EIF3H: variants seen among roughly 807,000 people sequenced by gnomAD.
EIF3H encodes eukaryotic translation initiation factor 3 subunit H.
EIF3H carries 26 observed loss-of-function variants against 44.2 expected under a neutral mutation model. That is an observed-to-expected ratio of 0.59 (90% confidence interval 0.43 to 0.82). EIF3H has a LOEUF of 0.82. Ranked by LOEUF, EIF3H falls within the 40% of genes least tolerant of loss-of-function variation. The pLI is 0.00. For missense variants in EIF3H, 359 were observed against 432.8 expected (o/e 0.83, Z 1.51); for synonymous variants, 166 against 151.9 (o/e 1.09, Z -0.68).
chr8:116,680,973 TAAA>T (rs11369605), intron 2 of EIF3H, among the ~76,000 whole-genome samples: 3 of 146,552 alleles, frequency 2.0e-5, no homozygotes, highest in African/African-American at 7.4e-5. Context: ...ATTTATAAAT[TAAA>T]AAAAAAAAAG....
chr8:116,676,566 T>C (rs550259123), intron 2 of EIF3H, among the ~76,000 whole-genome samples: 2 of 152,246 alleles, frequency 1.3e-5, no homozygotes, highest in South Asian at 4.1e-4. Flanking sequence ...ACCTGGTCTC[T>C]CCCTTGACAA....
intron 2 of EIF3H, among the ~76,000 whole-genome samples, chr8:116,707,861 C>T (rs1034248972): frequency 6.6e-6 from 1 of 152,098 alleles, no homozygotes; most frequent in African/African-American, 2.4e-5. Context: ...GACCATTCCC[C>T]GAACTAAGTC....
intron 1 of EIF3H, among the ~76,000 whole-genome samples, chr8:116,735,412 G>A (rs1337516318): frequency 6.6e-6 from 1 of 152,108 alleles, no homozygotes; most frequent in East Asian, 1.9e-4. Context: ...CTAGTCCCAG[G>A]AATCTACCCA....
At position 116,742,309 on chromosome 8, in the gene EIF3H, C is replaced by T. The variant is rs1177231751; in HGVS notation, c.132+13357G>A. On this transcript the variant is annotated intron_variant, in intron 1 of 7. Coordinates refer to ENST00000521861, the MANE Select transcript of EIF3H (RefSeq NM_003756.3). The stretch of plus-strand genomic sequence containing the variant: ...ATAGAGGATTTAGCCTCAAGAAATT[C>T]AAAAGAATGGTACTAATCTTATAAA... 5.9e-5 allele frequency among the ~76,000 whole-genome samples: 9 copies of T among 152,108 alleles called. No individual in the cohort carries two copies. In the East Asian group the frequency reaches 1.5e-3, roughly 26 times the overall value.
rs562797806 is a variant in EIF3H at position 116,719,533 on chromosome 8, C to A, written c.289+6483G>T. 3.9e-5 allele frequency among the ~76,000 whole-genome samples: 6 copies of A among 152,052 alleles called. No homozygotes were observed. In the East Asian group the frequency reaches 7.7e-4, roughly 20 times the overall value. ...TCCAGGAAAAAGGCCAGATAGAGGA[C>A]AGCACACAAATAAAAAAGAGGGAAT... On this transcript the variant is annotated intron_variant, in intron 2 of 7. Transcript: ENST00000521861.
intron 1 of EIF3H, among the ~76,000 whole-genome samples, chr8:116,733,131 T>G (rs1031680911): frequency 2.0e-5 from 3 of 152,126 alleles, no homozygotes; most frequent in African/African-American, 7.2e-5. Flanking sequence ...GAGAAACACT[T>G]TACTTACATT....
At chr8:116,691,944 C>T (rs1814183652) in intron 2 of EIF3H, among the ~76,000 whole-genome samples, 3 of 151,836 alleles carry the variant, frequency 2.0e-5, no homozygotes, top group Admixed American at 2.0e-4. Context: ...GGGTTAGACA[C>T]AATTACCTTT....
rs552777089 is a variant in EIF3H at position 116,737,431 on chromosome 8, C to G, written c.133-11259G>C. The G allele has an allele frequency of 4.3e-4, 154 of 355,500 alleles. 1 individual carries two copies. The highest frequency in any genetic ancestry group is 7.6e-4 in the Non-Finnish European group (143 of 187,238). The allele number at this position is 355,500 out of a possible 1,614,324, so 22.0% of individuals were successfully genotyped here. Reference sequence around the variant, plus strand: ...AGCACTCTGGGAGGCTGAGGCAGACCGATTACCTGAGGTCAGGAGTTCGAG... The same window carrying G: ...AGCACTCTGGGAGGCTGAGGCAGACGGATTACCTGAGGTCAGGAGTTCGAG... On this transcript the variant is annotated intron_variant, in intron 1 of 7. Coordinates refer to ENST00000521861, the MANE Select transcript of EIF3H (RefSeq NM_003756.3).
In EIF3H at chr8:116,646,433, G is replaced by A. The variant is rs79046550; in HGVS notation, c.961+38C>T. 7.4e-5 allele frequency: 120 copies of A among 1,613,572 alleles called. No individual in the cohort carries two copies. In the East Asian group the frequency reaches 2.5e-3, roughly 34 times the overall value. On this transcript the variant is annotated intron_variant, in intron 7 of 7. Coordinates refer to ENST00000521861, the MANE Select transcript of EIF3H (RefSeq NM_003756.3). ...CACTGTCTTCTGCTTCCTAAGAAAC[G>A]AACAAAACCAGCCAGGTTTTGCACT...
rs1474298774 is a variant in EIF3H, at chr8:116,755,780, T to A, written c.18A>T (p.Glu6Asp). 7.4e-6 allele frequency: 12 copies of A among 1,613,904 alleles called. No individual in the cohort carries two copies. Among genetic ancestry groups the A allele is most frequent in the Non-Finnish European group, 1.0e-5 (12 of 1,180,006 alleles). The change falls in exon 1 of 8, where the codon GAA (glutamate) becomes GAT (aspartate). Residue 6 changes from glutamate to aspartate, a missense_variant. Physicochemically the swap from Glu to Asp is conservative, Grantham distance 45. Coordinates refer to ENST00000521861, the MANE Select transcript of EIF3H (RefSeq NM_003756.3). ...AAGAGGTGGCAGTAGAGCCGGTACC[T>A]TCCTTGCGGGACGCCATCTTTCCAA... MASRK[E>D]GTGSTATSSS...
intron 2 of EIF3H, among the ~76,000 whole-genome samples, chr8:116,670,068 G>A (rs1021684976): frequency 2.6e-5 from 4 of 152,184 alleles, no homozygotes; most frequent in African/African-American, 9.7e-5. Flanking sequence ...TACATTTCCT[G>A]TTATGACAAT....
chr8:116,691,794 C>T (rs1457511640), intron 2 of EIF3H, among the ~76,000 whole-genome samples: 1 of 151,742 alleles, frequency 6.6e-6, no homozygotes, highest in South Asian at 2.1e-4. Flanking sequence ...ATTGCTTGAA[C>T]CCAGGAGGCG....
At chr8:116,738,532 C>T (rs757393157) in intron 1 of EIF3H, among the ~76,000 whole-genome samples, 9 of 115,898 alleles carry the variant, frequency 7.8e-5, no homozygotes, top group Non-Finnish European at 1.3e-4. Flanking sequence ...TAACGTCTGG[C>T]CTGGTTTTCA....
Position 116,727,932 on chromosome 8 carries a change from G to A in EIF3H, c.133-1760C>T, listed in dbSNP as rs115499614. Reference sequence around the variant, plus strand: ...ATGGTATTATACTGTGAATTGGTGAGATCTATGTAACAGCTTACTAACATG... The same window carrying A: ...ATGGTATTATACTGTGAATTGGTGAAATCTATGTAACAGCTTACTAACATG... On this transcript the variant is annotated intron_variant, in intron 1 of 7. Coordinates refer to ENST00000521861, the MANE Select transcript of EIF3H (RefSeq NM_003756.3). Among the ~76,000 whole-genome samples, 1,127 of 152,222 alleles carry A rather than the reference G, an allele frequency of 7.4e-3. 14 individuals carry two copies. The highest frequency in any genetic ancestry group is 0.025 in the African/African-American group (1,048 of 41,534).
chr8:116,745,571 T>C (rs1447553701), intron 1 of EIF3H, among the ~76,000 whole-genome samples: 1 of 152,202 alleles, frequency 6.6e-6, no homozygotes, highest in East Asian at 1.9e-4. Flanking sequence ...GTGTCTGACC[T>C]TAACAGAAAG....
At chr8:116,712,238 T>C (rs1044318461) in intron 2 of EIF3H, among the ~76,000 whole-genome samples, 24 of 152,206 alleles carry the variant, frequency 1.6e-4, no homozygotes, top group African/African-American at 5.8e-4. Flanking sequence ...GTTAGTAGCC[T>C]ACCACCAAAA....
intron 2 of EIF3H, among the ~76,000 whole-genome samples, chr8:116,686,563 A>C (rs1480743776): frequency 6.6e-6 from 1 of 152,072 alleles, no homozygotes; most frequent in Non-Finnish European, 1.5e-5. Context: ...CTATGGTAAA[A>C]GCTGACACAG....
At chr8:116,756,099 A>T, upstream of EIF3H, 1 of 1,196,470 alleles carries the variant, frequency 8.4e-7, no homozygotes. Context: ...AGTTCGCATT[A>T]TTTCTGTAGT....
Position 116,658,898 on chromosome 8 carries a change from G to A in EIF3H, c.372C>T (p.Tyr124=). The change falls in exon 3 of 8, where the codon TAC becomes TAT. Residue 124 remains tyrosine (Y), a synonymous_variant. Transcript: ENST00000521861. ...HLHVGWYQST[Y]YGSFVTRALL... ...GTGCCCGGGTAACGAATGAGCCATA[G>A]TATGTGGACTGATACCAGCCCACGT... is the stretch of plus-strand genomic sequence containing the variant. 6.2e-7 allele frequency: 1 copy of A among 1,613,948 alleles called. No homozygotes were observed.
Sources: gnomAD v4.1 joint callset for allele counts (sites outside exome capture counted in the v4.1 genomes callset) on GRCh38, gnomAD v4.1.1 for gene constraint, MANE v1.5 for transcripts, NCBI Gene and HGNC (gene_info 2026-07-23, HGNC 2026-07-21) for gene names.